The following AKT1 variants were observed in gnomAD, a reference collection of about 807,000 sequenced individuals.
AKT1 encodes the protein AKT serine/threonine kinase 1.
AKT1 carries 21 observed loss-of-function variants against 63.1 expected under a neutral mutation model. The observed-to-expected ratio is 0.33, with a 90% CI of 0.24 to 0.48. The LOEUF (loss-of-function observed/expected upper bound fraction) is 0.48, where lower values mean the gene tolerates loss of function less well. Ranked by LOEUF, AKT1 falls within the 20% of genes least tolerant of loss-of-function variation. AKT1 has a pLI of 0.99. For missense variants in AKT1, 382 were observed against 666.0 expected (o/e 0.57, Z 4.69); for synonymous variants, 257 against 253.1 (o/e 1.02, Z -0.15).
intron 8 of AKT1, chr14:104,774,407 C>T (rs906069001): frequency 3.8e-5 from 9 of 237,526 alleles, no homozygotes; most frequent in Non-Finnish European, 5.8e-5. Context: ...CCAGGGCCTT[C>T]GCAAAGGGAG....
chr14:104,785,273 C>G (rs897045004), intron 3 of AKT1, among the ~76,000 whole-genome samples: 2 of 152,184 alleles, frequency 1.3e-5, no homozygotes, highest in African/African-American at 2.4e-5. Context: ...GGCCTCTGCC[C>G]GGGCCCGGGA....
At chr14:104,774,237 CACACT>C (rs1344002607) in intron 8 of AKT1, 3 of 548,152 alleles carry the variant, frequency 5.5e-6, no homozygotes, top group African/African-American at 3.8e-5. Flanking sequence ...TGCCCCACAC[CACACT>C]GCCCCACACC....
At chr14:104,782,215 C>G (rs1210975838) in intron 3 of AKT1, among the ~76,000 whole-genome samples, 2 of 151,040 alleles carry the variant, frequency 1.3e-5, no homozygotes, top group African/African-American at 2.4e-5. Flanking sequence ...CCGCTGCTCA[C>G]GCCCACCCGC....
chr14:104,789,621 G>C (rs1484382408), intron 3 of AKT1, among the ~76,000 whole-genome samples: 1 of 152,212 alleles, frequency 6.6e-6, no homozygotes, highest in Non-Finnish European at 1.5e-5. Flanking sequence ...TCACACAACA[G>C]AACAAATCTT....
intron 12 of AKT1, 149 bp downstream of exon 12, chr14:104,772,729 G>A: frequency 1.0e-6 from 1 of 974,964 alleles, no homozygotes; most frequent in South Asian, 1.7e-5. Context: ...TTGGGCCTGA[G>A]GCTTTGGAGA....
chr14:104,773,709 G>A (rs1595243030), intron 9 of AKT1, 129 bp from the exon 10 acceptor site: 2 of 1,392,428 alleles, frequency 1.4e-6, no homozygotes, highest in East Asian at 2.5e-5. Flanking sequence ...AGGGCACGGG[G>A]GCCTGGAAAG....
At chr14:104,792,345 G>A (rs934015295) in intron 3 of AKT1, among the ~76,000 whole-genome samples, 3 of 152,078 alleles carry the variant, frequency 2.0e-5, no homozygotes, top group Non-Finnish European at 2.9e-5. Context: ...CAGCTCCCCC[G>A]CCTGCCAGGG....
chr14:104,793,354 G>C (rs1893722731), intron 1 of AKT1, 50 bp from the exon 2 acceptor site: 1 of 204,162 alleles, frequency 4.9e-6, no homozygotes. Flanking sequence ...CCAGGATGCA[G>C]GCCACTGGCG....
rs142843688 is a variant in AKT1 at position 104,775,660 on chromosome 14, G to A, written c.427C>T (p.His143Tyr). ...EMEVSLAKPK[H>Y]RVTMNEFEYL... ...GTGGGGACAGGCCTCACCACGCGGT[G>A]CTTGGGCTTGGCCAGGGACACCTCC... The change falls in exon 6 of 15, where the codon CAC (histidine) becomes TAC (tyrosine). Residue 143 changes from histidine to tyrosine, a missense_variant. Around this residue, in one of 3 missense-constraint regions of AKT1, gnomAD observed 226 missense variants for 366.4 expected, o/e 0.62. Transcript: ENST00000649815. 5 of 1,613,998 alleles carry A rather than the reference G, an allele frequency of 3.1e-6. No individual in the cohort carries two copies. The highest frequency in any genetic ancestry group is 1.1e-5 in the South Asian group (1 of 91,082).
At chr14:104,788,415 TC>T (rs1893446050) in intron 3 of AKT1, among the ~76,000 whole-genome samples, 1 of 152,164 alleles carries the variant, frequency 6.6e-6, no homozygotes, top group South Asian at 2.1e-4. Context: ...TGCGGGGCCC[TC>T]CGCAGCAGCT....
rs184263655 is a variant in AKT1, at chr14:104,770,368, G to A, written c.1416C>T (p.Phe472=). Residue 472 remains phenylalanine (F), a synonymous_variant, in exon 15 of 15, where the codon TTC becomes TTT. Coordinates refer to ENST00000649815, the MANE Select transcript of AKT1 (RefSeq NM_001382430.1). ...AGGCCGTGCCGCTGGCCGAGTAGGA[G>A]AACTGGGGGAAGTGGGGCCTGCGCT... ...DSERRPHFPQ[F]SYSASGTA is the part of the protein sequence containing the mutation. 33 of 1,612,774 alleles carry A rather than the reference G, an allele frequency of 2.0e-5. No homozygotes were observed. The African/African-American group carries it at 4.3e-4, about 21-fold the overall frequency.
intron 4 of AKT1, chr14:104,777,174 G>A (rs570853418): frequency 3.1e-5 from 7 of 223,394 alleles, no homozygotes; most frequent in Non-Finnish European, 6.4e-5. Flanking sequence ...GTGTAGAAAT[G>A]TCCTGCTTTT....
At chr14:104,780,637 C>T (rs1191979835) in intron 3 of AKT1, among the ~76,000 whole-genome samples, 1 of 152,208 alleles carries the variant, frequency 6.6e-6, no homozygotes, top group Non-Finnish European at 1.5e-5. Flanking sequence ...GGGCTGACAG[C>T]ATTCCCCAAT....
chr14:104,790,279 G>T (rs765643907), intron 3 of AKT1, among the ~76,000 whole-genome samples: 1 of 152,178 alleles, frequency 6.6e-6, no homozygotes, highest in Middle Eastern at 3.2e-3. Flanking sequence ...AGCAAGGCTG[G>T]GGGGGAGTGG....
chr14:104,792,035 C>G (rs547545927), intron 3 of AKT1, among the ~76,000 whole-genome samples: 128 of 152,286 alleles, frequency 8.4e-4, no homozygotes, highest in African/African-American at 3.0e-3. Context: ...TGGCCAGGCC[C>G]CTCGGGCAGC....
Position 104,769,600 on chromosome 14 carries a change from G to C in AKT1, c.*741C>G, listed in dbSNP as rs1208265801. 4 of 530,250 alleles carry C rather than the reference G, an allele frequency of 7.5e-6. No individual in the cohort carries two copies. The highest frequency in any genetic ancestry group is 2.3e-5 in the Admixed American group (1 of 43,846). The allele number at this position is 530,250 out of a possible 1,614,324, so 32.8% of individuals were successfully genotyped here. A position where few individuals can be genotyped will look rare whatever the true frequency, so the allele number is the denominator to read the frequency against. On this transcript the variant is annotated 3_prime_UTR_variant, in exon 15 of 15. Transcript: ENST00000649815. The stretch of plus-strand genomic sequence containing the variant: ...CCGTGGAGAGATCATCTGAGGGGGA[G>C]GCTCCCGGTGGGACAGTCACCAAGA...
In AKT1 at chr14:104,775,725, C is replaced by T. The variant is rs1457484217; in HGVS notation, c.362G>A (p.Arg121Gln). The T allele has an allele frequency of 2.4e-5, 39 of 1,613,950 alleles. No homozygotes were observed. The highest frequency in any genetic ancestry group is 5.3e-5 in the African/African-American group (4 of 74,914). ...TGAGTTGTCACTGGGTGAGCCCGACCGGAAGTCCATCTCCTCCTCCTCCTG... is the reference window on the plus strand; with the variant it reads ...TGAGTTGTCACTGGGTGAGCCCGACTGGAAGTCCATCTCCTCCTCCTCCTG... ...KKQEEEEMDF[R>Q]SGSPSDNSGA... Residue 121 changes from arginine (R) to glutamine (Q), a missense_variant, in exon 6 of 15, where the codon CGG (arginine) becomes CAG (glutamine). Arg to Gln is a conservative substitution (Grantham distance 43). Around this residue, in one of 3 missense-constraint regions of AKT1, gnomAD observed 226 missense variants for 366.4 expected, o/e 0.62. Transcript: ENST00000649815.
chr14:104,772,657 G>A (rs949698819), intron 12 of AKT1, among the ~76,000 whole-genome samples: 1 of 152,340 alleles, frequency 6.6e-6, no homozygotes, highest in Middle Eastern at 3.4e-3. Flanking sequence ...CTGAGTGGGT[G>A]GGTGCAGGCT....
intron 13 of AKT1, 27 bp from the exon 14 acceptor site, chr14:104,770,874 C>A (rs1179919201): frequency 6.2e-7 from 1 of 1,604,632 alleles, no homozygotes; most frequent in South Asian, 1.1e-5. Flanking sequence ...ACGGGACAGT[C>A]ATGAGCTTCG....
Sources: gnomAD v4.1 joint callset for allele counts (sites outside exome capture counted in the v4.1 genomes callset) on GRCh38, gnomAD v4.1.1 for gene constraint, gnomAD v4.1.1 regional missense constraint, MANE v1.5 for transcripts, NCBI Gene and HGNC (gene_info 2026-07-23, HGNC 2026-07-21) for gene names.